Variants in TENM2 observed in about 807,000 individuals in gnomAD.
The protein encoded by TENM2 is teneurin transmembrane protein 2.
A neutral mutation model predicts 245.2 loss-of-function variants in TENM2; 52 were observed. That is an observed-to-expected ratio of 0.21 (90% confidence interval 0.17 to 0.27). TENM2 has a LOEUF of 0.27. TENM2 is among the 10% of genes least tolerant of loss of function. The pLI, the probability that TENM2 is intolerant of heterozygous loss-of-function variation, is 1.00. For synonymous variants in TENM2, 1,363 were observed against 1,438.9 expected, an observed-to-expected ratio of 0.95 and a Z score of 1.19; for missense variants, 3,046 against 3,666.8, an observed-to-expected ratio of 0.83 and a Z score of 4.37.
At chr5:166,988,538 T>G in the TENM2 span, among the ~76,000 whole-genome samples, 1 of 152,240 alleles carries the variant, frequency 6.6e-6, no homozygotes, top group Non-Finnish European at 1.5e-5. Context: ...AGAATACATC[T>G]GTGCAATTTG....
rs79072342 is a variant in TENM2 at position 167,483,630 on chromosome 5, C to A, written c.502+108157C>A. On this transcript the variant is annotated intron_variant, in intron 2 of 28. Coordinates refer to ENST00000518659, the Ensembl canonical transcript of TENM2. ...TTTTAGTCAAATTCTGTGTGTACTTCTGTTATATTCAAACAAGCTAATGAG... is the reference window on the plus strand; with the variant it reads ...TTTTAGTCAAATTCTGTGTGTACTTATGTTATATTCAAACAAGCTAATGAG... 3.3e-3 allele frequency among the ~76,000 whole-genome samples: 508 copies of A among 152,290 alleles called. 22 individuals are homozygous for A. The South Asian group carries it at 0.08, about 24-fold the overall frequency.
intron 2 of TENM2, among the ~76,000 whole-genome samples, chr5:167,383,392 T>C (rs1761207885): frequency 6.6e-6 from 1 of 152,128 alleles, no homozygotes; most frequent in South Asian, 2.1e-4. Context: ...CCAATGATGC[T>C]GTCTCACCCA....
chr5:166,997,700 A>G, the TENM2 span, among the ~76,000 whole-genome samples: 1 of 152,304 alleles, frequency 6.6e-6, no homozygotes, highest in South Asian at 2.1e-4. Flanking sequence ...AGGTGCATCC[A>G]TTCACTGTGT....
rs1036351542 is a variant in TENM2 at position 168,037,134 on chromosome 5, C to T, written c.1187-10293C>T. Among the ~76,000 whole-genome samples, 7 of 152,196 alleles carry T rather than the reference C, an allele frequency of 4.6e-5. No individual in the cohort carries two copies. The East Asian group carries it at 1.2e-3, about 25-fold the overall frequency. ...AATCCACTTAACTTAAAACCATTTG[C>T]AAGAGAGATCAAATCCAATTTGCTA... On this transcript the variant is annotated intron_variant, in intron 5 of 28. Coordinates refer to ENST00000518659, the Ensembl canonical transcript of TENM2.
chr5:167,089,106 C>T, the TENM2 span, among the ~76,000 whole-genome samples: 1 of 152,130 alleles, frequency 6.6e-6, no homozygotes, highest in Non-Finnish European at 1.5e-5. Context: ...TTCTTGTAAA[C>T]TTTTTCAGTC....
intron 1 of TENM2, among the ~76,000 whole-genome samples, chr5:167,316,796 C>T (rs1239583730): frequency 1.3e-5 from 2 of 152,086 alleles, no homozygotes; most frequent in Non-Finnish European, 2.9e-5. Context: ...GGAGAAAAGC[C>T]TGGAACAAGT....
chr5:167,313,355 T>C (rs1433707904), intron 1 of TENM2, among the ~76,000 whole-genome samples: 1 of 152,096 alleles, frequency 6.6e-6, no homozygotes, highest in Admixed American at 6.6e-5. Context: ...AATACACTAA[T>C]ATGGGCCAGG....
chr5:167,616,029 C>T (rs1019856205), intron 2 of TENM2, among the ~76,000 whole-genome samples: 5 of 152,198 alleles, frequency 3.3e-5, no homozygotes, highest in African/African-American at 1.2e-4. Flanking sequence ...AATTAAATTC[C>T]ATCAATGCTG....
chr5:167,885,623 A>G (rs1206308101), intron 3 of TENM2, among the ~76,000 whole-genome samples: 1 of 152,226 alleles, frequency 6.6e-6, no homozygotes, highest in Non-Finnish European at 1.5e-5. Context: ...AACCAAAGTC[A>G]CTGTCCAAAA....
At chr5:167,357,028 G>A (rs971624473) in intron 1 of TENM2, among the ~76,000 whole-genome samples, 1 of 152,054 alleles carries the variant, frequency 6.6e-6, no homozygotes, top group African/African-American at 2.4e-5. Flanking sequence ...TGTGTCCAAT[G>A]GATAAGTTGG....
the TENM2 span, among the ~76,000 whole-genome samples, chr5:167,047,359 C>T: frequency 6.6e-6 from 1 of 151,826 alleles, no homozygotes; most frequent in Non-Finnish European, 1.5e-5. Flanking sequence ...ATTACTCAAC[C>T]TCTGGTATGT....
chr5:167,811,010 T>C (rs905499660), intron 2 of TENM2, among the ~76,000 whole-genome samples: 4 of 152,140 alleles, frequency 2.6e-5, no homozygotes, highest in African/African-American at 7.2e-5. Flanking sequence ...CCACACAGAA[T>C]GAAAGACACG....
chr5:167,761,991 C>T (rs770950037), intron 2 of TENM2, among the ~76,000 whole-genome samples: 2 of 152,180 alleles, frequency 1.3e-5, no homozygotes, highest in South Asian at 2.1e-4. Flanking sequence ...TTGGAACCAG[C>T]GCCTCAGCTA....
At chr5:168,123,146 A>G (rs68176346) in intron 10 of TENM2, among the ~76,000 whole-genome samples, 33 of 151,404 alleles carry the variant, frequency 2.2e-4, no homozygotes, top group Admixed American at 2.6e-4. Flanking sequence ...AAAAAAAAAA[A>G]AACATAGCTG....
chr5:167,305,112 G>A (rs1755593186), intron 1 of TENM2, among the ~76,000 whole-genome samples: 1 of 152,068 alleles, frequency 6.6e-6, no homozygotes, highest in Non-Finnish European at 1.5e-5. Context: ...TTCCCCCTGT[G>A]CGATTTCTGT....
chr5:167,179,002 A>G, the TENM2 span, among the ~76,000 whole-genome samples: 1 of 152,230 alleles, frequency 6.6e-6, no homozygotes. Flanking sequence ...CAATGAGGTT[A>G]GGAGAGGTTC....
At chr5:167,194,598 C>T in the TENM2 span, among the ~76,000 whole-genome samples, 1 of 151,942 alleles carries the variant, frequency 6.6e-6, no homozygotes, top group African/African-American at 2.4e-5. Context: ...GGTTTTGAGT[C>T]AGGGATTAAT....
Position 168,034,095 on chromosome 5 carries a change from A to G in TENM2, c.1187-13332A>G, listed in dbSNP as rs185723483. On this transcript the variant is annotated intron_variant, in intron 5 of 28. Coordinates refer to ENST00000518659, the Ensembl canonical transcript of TENM2. Reference sequence around the variant, plus strand: ...TATATATGTATACATATATATGTGTATATATATATGTATACATATATATGT... The same window carrying G: ...TATATATGTATACATATATATGTGTGTATATATATGTATACATATATATGT... Among the ~76,000 whole-genome samples, 68 of 95,320 alleles carry G rather than the reference A, an allele frequency of 7.1e-4. No homozygotes were observed. In the East Asian group the frequency reaches 0.01, roughly 14 times the overall value. The allele number at this position is 95,320 out of a possible 152,430, so 62.5% of individuals were successfully genotyped here.
the TENM2 span, among the ~76,000 whole-genome samples, chr5:167,143,560 C>T: frequency 6.6e-6 from 1 of 152,038 alleles, no homozygotes; most frequent in East Asian, 1.9e-4. Flanking sequence ...TAAACTCTTT[C>T]TTGTATGAAT....
Sources: gnomAD v4.1 joint callset for allele counts (sites outside exome capture counted in the v4.1 genomes callset) on GRCh38, gnomAD v4.1.1 for gene constraint, MANE v1.5 for transcripts, NCBI Gene and HGNC (gene_info 2026-07-23, HGNC 2026-07-21) for gene names.